The following OXR1 variants were observed in gnomAD, a reference collection of about 807,000 sequenced individuals.
The protein encoded by OXR1 is oxidation resistance protein 1.
OXR1 carries 41 observed loss-of-function variants against 104.6 expected under a neutral mutation model. The ratio of observed to expected loss-of-function variants is 0.39; its 90% CI spans 0.31 to 0.51. The LOEUF is 0.51. OXR1 is among the 20% of genes least tolerant of loss of function. OXR1 has a pLI of 0.77. For synonymous variants in OXR1, 348 were observed against 348.4 expected, an observed-to-expected ratio of 1.00 and a Z score of 0.01; for missense variants, 955 against 1,031.9, an observed-to-expected ratio of 0.93 and a Z score of 1.02.
rs71307084 is a variant in OXR1 at position 106,704,393 on chromosome 8, C to CTTTTTT, written c.860+1329_860+1334dup. ...TTTTTCTTTTTCTTTCTTTCTTCTT[C>CTTTTTT]TTTTTTTTTTTTTTTTTTTTTTTTT... On this transcript the variant is annotated intron_variant, in intron 8 of 16. Transcript: ENST00000517566. Among the ~76,000 whole-genome samples, 128 of 47,884 alleles carry CTTTTTT rather than the reference C, an allele frequency of 2.7e-3. 1 individual carries two copies. The highest frequency in any genetic ancestry group is 3.5e-3 in the African/African-American group (35 of 9,928). The allele number at this position is 47,884 out of a possible 152,430, so 31.4% of individuals were successfully genotyped here.
intron 2 of OXR1, among the ~76,000 whole-genome samples, chr8:106,455,167 G>A (rs1314215861): frequency 6.6e-6 from 1 of 152,128 alleles, no homozygotes; most frequent in Admixed American, 6.6e-5. Flanking sequence ...GGTGCCCTTG[G>A]TCAAGCATCA....
At chr8:106,736,011 G>A (rs2131548624) in intron 11 of OXR1, among the ~76,000 whole-genome samples, 2 of 152,280 alleles carry the variant, frequency 1.3e-5, no homozygotes, top group South Asian at 4.1e-4. Context: ...ATGAATAATA[G>A]TAGTTCTCAT....
At chr8:106,376,617 T>C (rs1816916594) in intron 2 of OXR1, among the ~76,000 whole-genome samples, 1 of 152,230 alleles carries the variant, frequency 6.6e-6, no homozygotes, top group Non-Finnish European at 1.5e-5. Flanking sequence ...CTTTTTGTTA[T>C]TAAAATGGAC....
chr8:106,416,720 T>G (rs1818694898), intron 2 of OXR1, among the ~76,000 whole-genome samples: 1 of 152,024 alleles, frequency 6.6e-6, no homozygotes, highest in Admixed American at 6.6e-5. Flanking sequence ...TGAAGCATAT[T>G]TGGCCTGGTG....
At chr8:106,733,429 G>A (rs1203184407) in intron 11 of OXR1, among the ~76,000 whole-genome samples, 4 of 151,974 alleles carry the variant, frequency 2.6e-5, no homozygotes, top group African/African-American at 4.8e-5. Context: ...TTGGCTTCTG[G>A]TTCCATTGCT....
intron 1 of OXR1, among the ~76,000 whole-genome samples, chr8:106,347,855 A>C (rs1437154669): frequency 6.6e-6 from 1 of 152,210 alleles, no homozygotes; most frequent in Non-Finnish European, 1.5e-5. Context: ...TTTCTTAAGT[A>C]GGTAAATAAT....
At chr8:106,570,713 C>T (rs549525750) in intron 3 of OXR1, among the ~76,000 whole-genome samples, 9 of 152,288 alleles carry the variant, frequency 5.9e-5, no homozygotes, top group African/African-American at 1.9e-4. Flanking sequence ...CTTCCTACCT[C>T]ATTGTCCCCA....
chr8:106,453,115 G>T (rs1409802232), intron 2 of OXR1, among the ~76,000 whole-genome samples: 1 of 152,128 alleles, frequency 6.6e-6, no homozygotes, highest in African/African-American at 2.4e-5. Flanking sequence ...TTCCTCAAGT[G>T]CCTGGTCAGA....
chr8:106,336,682 G>A (rs974805510), intron 1 of OXR1, among the ~76,000 whole-genome samples: 1 of 152,178 alleles, frequency 6.6e-6, no homozygotes, highest in African/African-American at 2.4e-5. Flanking sequence ...GCAAGCCCCA[G>A]ATATTGACTT....
intron 2 of OXR1, among the ~76,000 whole-genome samples, chr8:106,484,163 T>C (rs1207818982): frequency 6.6e-6 from 1 of 152,118 alleles, no homozygotes; most frequent in Non-Finnish European, 1.5e-5. Context: ...GAGAAAATAT[T>C]TGCAAAAGAC....
intron 11 of OXR1, chr8:106,726,328 T>C: frequency 1.5e-6 from 2 of 1,344,512 alleles, no homozygotes; most frequent in Middle Eastern, 1.8e-4. Flanking sequence ...TAGTCAATTA[T>C]TTTAATTTGT....
At chr8:106,522,300 A>G (rs1813320153) in intron 3 of OXR1, among the ~76,000 whole-genome samples, 1 of 152,226 alleles carries the variant, frequency 6.6e-6, no homozygotes, top group Non-Finnish European at 1.5e-5. Context: ...ATATGCATAT[A>G]ACCTATGCAC....
At chr8:106,427,225 G>A (rs1039646631) in intron 2 of OXR1, among the ~76,000 whole-genome samples, 2 of 152,076 alleles carry the variant, frequency 1.3e-5, no homozygotes, top group African/African-American at 4.8e-5. Flanking sequence ...AGGCTGGAGT[G>A]CAGTGGCCTG....
intron 2 of OXR1, among the ~76,000 whole-genome samples, chr8:106,488,829 T>G (rs1810878350): frequency 6.6e-6 from 1 of 150,422 alleles, no homozygotes; most frequent in Non-Finnish European, 1.5e-5. Context: ...TACTGTAGCC[T>G]TGTAGTATAG....
At position 106,321,711 on chromosome 8, in the gene OXR1, A is replaced by G. The variant is rs550857050; in HGVS notation, c.-138-37765A>G. The stretch of plus-strand genomic sequence containing the variant: ...CCCAAAGTGCATTCTGACTGATGTT[A>G]TAAATTGCTTTTGCTTCCCTTCATA... On this transcript the variant is annotated intron_variant, in intron 1 of 16. Coordinates refer to ENST00000517566, the MANE Select transcript of OXR1 (RefSeq NM_001198533.2). 6.6e-5 allele frequency among the ~76,000 whole-genome samples: 10 copies of G among 152,326 alleles called. No homozygotes were observed. The East Asian group carries it at 1.9e-3, about 29-fold the overall frequency.
At chr8:106,355,850 C>G (rs1481736560) in intron 1 of OXR1, among the ~76,000 whole-genome samples, 1 of 151,974 alleles carries the variant, frequency 6.6e-6, no homozygotes, top group East Asian at 1.9e-4. Context: ...CACTTTTAAA[C>G]ATTATGGTTA....
At chr8:106,609,435 T>C (rs1820648870) in intron 3 of OXR1, among the ~76,000 whole-genome samples, 1 of 152,128 alleles carries the variant, frequency 6.6e-6, no homozygotes, top group East Asian at 1.9e-4. Flanking sequence ...AATAGAAAAG[T>C]TGTAAGAAAT....
intron 1 of OXR1, among the ~76,000 whole-genome samples, chr8:106,320,116 C>T (rs1008410945): frequency 2.0e-5 from 3 of 152,182 alleles, no homozygotes; most frequent in African/African-American, 7.2e-5. Flanking sequence ...CATAGCAAGA[C>T]CAAATCTTCA....
chr8:106,339,518 AAATATATATATAT>A (rs1815130015), intron 1 of OXR1, among the ~76,000 whole-genome samples: 3 of 24,324 alleles, frequency 1.2e-4, no homozygotes, highest in African/African-American at 9.3e-4. Context: ...AAAAAAAAAA[AAATATATATATAT>A]ATATATATAT....
Sources: allele counts gnomAD v4.1 joint callset (sites outside exome capture counted in the v4.1 genomes callset), GRCh38; gene constraint gnomAD v4.1.1; transcripts MANE v1.5; gene names NCBI Gene and HGNC (gene_info 2026-07-23, HGNC 2026-07-21).